The following CLEC16A variants were observed in gnomAD, a reference collection of about 807,000 sequenced individuals.
CLEC16A encodes the protein protein CLEC16A.
CLEC16A carries 51 observed loss-of-function variants against 109.5 expected under a neutral mutation model. The observed-to-expected ratio is 0.47, with a 90% CI of 0.37 to 0.59. The LOEUF is 0.59. Among genes scored for constraint, CLEC16A ranks in the 20% least tolerant of loss-of-function variants. CLEC16A has a pLI of 0.00. For synonymous variants in CLEC16A, 673 were observed against 564.2 expected (o/e 1.19, Z -2.73); for missense variants, 1,339 against 1,394.0 (o/e 0.96, Z 0.63).
At chr16:11,172,416 C>G (rs936588222) in intron 23 of CLEC16A, among the ~76,000 whole-genome samples, 3 of 152,180 alleles carry the variant, frequency 2.0e-5, no homozygotes, top group Admixed American at 6.5e-5. Context: ...CTTAAATAGC[C>G]CACTCACACC....
At chr16:11,141,678 C>T (rs2053837775) in intron 22 of CLEC16A, among the ~76,000 whole-genome samples, 1 of 152,198 alleles carries the variant, frequency 6.6e-6, no homozygotes, top group Admixed American at 6.5e-5. Context: ...CCACTGGGGT[C>T]CCACCAGAAA....
At chr16:11,114,179 T>TGTGTGTGTGTG (rs2051808548) in intron 19 of CLEC16A, among the ~76,000 whole-genome samples, 2 of 98,816 alleles carry the variant, frequency 2.0e-5, no homozygotes, top group East Asian at 3.3e-4. Context: ...GTGTGTGTGT[T>TGTGTGTGTGTG]TATTGGCAAT....
chr16:10,998,017 C>G (rs531842024), intron 10 of CLEC16A, among the ~76,000 whole-genome samples: 1 of 152,188 alleles, frequency 6.6e-6, no homozygotes, highest in African/African-American at 2.4e-5. Flanking sequence ...ACTCAGGCAC[C>G]CAGTCTTTGG....
chr16:10,947,938 G>A (rs2041484252), intron 1 of CLEC16A, among the ~76,000 whole-genome samples: 4 of 152,034 alleles, frequency 2.6e-5, no homozygotes, highest in Admixed American at 2.6e-4. Flanking sequence ...CTGTTGCCCA[G>A]GCTGGAGTGC....
chr16:11,156,498 C>G (rs1272156406), intron 22 of CLEC16A: 17 of 820,442 alleles, frequency 2.1e-5, no homozygotes, highest in African/African-American at 5.3e-5. Flanking sequence ...TCTGCTCCAG[C>G]TGGGGTCAGT....
intron 19 of CLEC16A, among the ~76,000 whole-genome samples, chr16:11,085,178 A>G (rs1005252346): frequency 5.3e-5 from 8 of 152,256 alleles, no homozygotes; most frequent in Non-Finnish European, 1.2e-4. Context: ...TTTACAGACG[A>G]GGCCATGAAG....
chr16:11,047,376 G>A, intron 17 of CLEC16A, 34 bp downstream of exon 17: 13 of 1,543,372 alleles, frequency 8.4e-6, no homozygotes, highest in African/African-American at 1.4e-5. Context: ...TTGGGCTGGT[G>A]TGCGCCTGTG....
At chr16:11,098,997 C>T (rs1178342041) in intron 19 of CLEC16A, among the ~76,000 whole-genome samples, 1 of 152,236 alleles carries the variant, frequency 6.6e-6, no homozygotes, top group Non-Finnish European at 1.5e-5. Context: ...TACCTACTTG[C>T]TCTGTGACAC....
At chr16:11,099,189 C>T (rs1268130852) in intron 19 of CLEC16A, among the ~76,000 whole-genome samples, 1 of 152,162 alleles carries the variant, frequency 6.6e-6, no homozygotes, top group Non-Finnish European at 1.5e-5. Context: ...TCATGCCACC[C>T]GGGTTTGCCA....
chr16:10,999,636 A>C (rs949542634), intron 10 of CLEC16A, among the ~76,000 whole-genome samples: 18 of 152,238 alleles, frequency 1.2e-4, no homozygotes, highest in African/African-American at 4.3e-4. Flanking sequence ...GTCGTGTTAT[A>C]AAGGTTTGAA....
chr16:10,971,132 A>T lies in CLEC16A; in HGVS notation c.500A>T (p.Asn167Ile). 6.2e-7 allele frequency: 1 copy of T among 1,612,144 alleles called. No homozygotes were observed. The highest frequency in any genetic ancestry group is 1.1e-5 in the South Asian group (1 of 90,992). The change falls in exon 5 of 24, where the codon AAT (asparagine) becomes ATT (isoleucine). Residue 167 changes from asparagine (N) to isoleucine (I), a missense_variant. By Grantham distance (149) the Asn-to-Ile change is moderately radical. Coordinates refer to ENST00000409790, the MANE Select transcript of CLEC16A (RefSeq NM_015226.3). ...TVHFFYNEHTNDFALYTEAIK... is the reference protein window; with the variant it reads ...TVHFFYNEHTIDFALYTEAIK... ...TTATTTCTTTTGTTTTAGCACACCA[A>T]TGACTTTGCCCTGTACACAGAAGCC...
chr16:11,123,110 G>A (rs2052554214), intron 20 of CLEC16A, among the ~76,000 whole-genome samples: 1 of 151,882 alleles, frequency 6.6e-6, no homozygotes, highest in African/African-American at 2.4e-5. Context: ...CACCCTCTTG[G>A]CCAGGCTGGT....
chr16:11,068,905 C>T (rs920681479), intron 19 of CLEC16A, among the ~76,000 whole-genome samples: 1 of 152,152 alleles, frequency 6.6e-6, no homozygotes, highest in Non-Finnish European at 1.5e-5. Flanking sequence ...AGCTCCACCT[C>T]CCAGATTCAA....
At chr16:11,088,960 C>T (rs1171492629) in intron 19 of CLEC16A, among the ~76,000 whole-genome samples, 1 of 152,074 alleles carries the variant, frequency 6.6e-6, no homozygotes, top group African/African-American at 2.4e-5. Context: ...GTGAAAGTGC[C>T]CTGCCATTTC....
chr16:11,065,222 C>A (rs892119740), intron 19 of CLEC16A, among the ~76,000 whole-genome samples: 35 of 152,156 alleles, frequency 2.3e-4, no homozygotes, highest in African/African-American at 8.0e-4. Context: ...GGATTCTTGC[C>A]TGTTTCCAAA....
chr16:10,999,239 T>C (rs2044514343), intron 10 of CLEC16A, among the ~76,000 whole-genome samples: 1 of 152,142 alleles, frequency 6.6e-6, no homozygotes, highest in Non-Finnish European at 1.5e-5. Context: ...CCCAGCTGAA[T>C]GTTTAAAATA....
At chr16:11,000,419 G>A (rs2044600308) in intron 10 of CLEC16A, among the ~76,000 whole-genome samples, 1 of 152,146 alleles carries the variant, frequency 6.6e-6, no homozygotes, top group Non-Finnish European at 1.5e-5. Flanking sequence ...CCTGCGCTTG[G>A]TCTCTATTTT....
At chr16:11,077,424 A>T (rs1031820264) in intron 19 of CLEC16A, among the ~76,000 whole-genome samples, 9 of 146,574 alleles carry the variant, frequency 6.1e-5, no homozygotes, top group African/African-American at 2.0e-4. Flanking sequence ...GTGAGCCAAG[A>T]TTGTGCCACT....
chr16:11,145,677 C>T (rs1442467287), intron 22 of CLEC16A, among the ~76,000 whole-genome samples: 1 of 152,268 alleles, frequency 6.6e-6, no homozygotes. Flanking sequence ...GGCAGGACAG[C>T]AGGTGGCTGG....
Sources: allele counts gnomAD v4.1 joint callset (sites outside exome capture counted in the v4.1 genomes callset), GRCh38; gene constraint gnomAD v4.1.1; transcripts MANE v1.5; gene names NCBI Gene and HGNC (gene_info 2026-07-23, HGNC 2026-07-21).